SIPA1L3: variants seen among roughly 807,000 people sequenced by gnomAD.
SIPA1L3 encodes the protein signal-induced proliferation-associated 1-like protein 3.
SIPA1L3 carries 59 observed loss-of-function variants against 150.1 expected under a neutral mutation model. The ratio of observed to expected loss-of-function variants is 0.39; its 90% CI spans 0.32 to 0.49. The LOEUF (loss-of-function observed/expected upper bound fraction) is 0.49, where lower values mean the gene tolerates loss of function less well. Among genes scored for constraint, SIPA1L3 ranks in the 20% least tolerant of loss-of-function variants. SIPA1L3 has a pLI of 0.86. For missense variants in SIPA1L3, 2,211 were observed against 2,489.5 expected, an observed-to-expected ratio of 0.89 and a Z score of 2.38; for synonymous variants, 1,070 against 1,077.6, an observed-to-expected ratio of 0.99 and a Z score of 0.14.
chr19:37,946,029 C>G (rs1002431938), intron 1 of SIPA1L3, among the ~76,000 whole-genome samples: 2 of 152,022 alleles, frequency 1.3e-5, no homozygotes, highest in Non-Finnish European at 2.9e-5. Context: ...GTGGCAAGCG[C>G]CTGTAATCCC....
At chr19:37,930,014 G>A (rs1314958002) in intron 1 of SIPA1L3, among the ~76,000 whole-genome samples, 1 of 141,222 alleles carries the variant, frequency 7.1e-6, no homozygotes, top group Non-Finnish European at 1.5e-5. Context: ...GCATGCCACC[G>A]TGCCTGGCAA....
intron 1 of SIPA1L3, among the ~76,000 whole-genome samples, chr19:38,020,978 T>C (rs1968360947): frequency 6.6e-6 from 1 of 152,180 alleles, no homozygotes; most frequent in Non-Finnish European, 1.5e-5. Flanking sequence ...TTTTTGTATT[T>C]TTAGTAGAGA....
intron 1 of SIPA1L3, among the ~76,000 whole-genome samples, chr19:37,927,674 TG>T (rs2046517416): frequency 6.6e-6 from 1 of 150,638 alleles, no homozygotes. Flanking sequence ...TGTGTGTGTG[TG>T]TGTGTGTGTG....
At chr19:38,178,818 G>T (rs1011196272) in intron 15 of SIPA1L3, among the ~76,000 whole-genome samples, 3 of 152,084 alleles carry the variant, frequency 2.0e-5, no homozygotes, top group Non-Finnish European at 2.9e-5. Flanking sequence ...TCAGTTCTCA[G>T]TTCTGATGCT....
At chr19:37,979,946 G>A (rs1047194605) in intron 1 of SIPA1L3, among the ~76,000 whole-genome samples, 3 of 152,208 alleles carry the variant, frequency 2.0e-5, no homozygotes, top group Admixed American at 6.5e-5. Flanking sequence ...CTTGGGCCCT[G>A]GCTGCGTGGC....
intron 1 of SIPA1L3, among the ~76,000 whole-genome samples, chr19:38,009,898 TTGG>T (rs1304670429): frequency 3.9e-5 from 6 of 152,188 alleles, no homozygotes. Context: ...GCATGAGGCT[TTGG>T]TGGGTTGGAG....
rs989652453 is a variant in SIPA1L3, at chr19:38,000,755, A to G, written c.-378-28334A>G. The stretch of plus-strand genomic sequence containing the variant: ...AAATGTCTCTTCCCCACTTCTCTAT[A>G]TACATGCTGGGAAAAAAAAGACTGG... On this transcript the variant is annotated intron_variant, in intron 1 of 21. Transcript: ENST00000222345. 4.1e-5 allele frequency among the ~76,000 whole-genome samples: 6 copies of G among 146,664 alleles called. No homozygotes were observed. The Admixed American group carries it at 4.1e-4, about 10-fold the overall frequency.
At chr19:37,998,308 C>T (rs1244315848) in intron 1 of SIPA1L3, among the ~76,000 whole-genome samples, 1 of 152,122 alleles carries the variant, frequency 6.6e-6, no homozygotes, top group African/African-American at 2.4e-5. Context: ...AGCCCTGTGT[C>T]TTATCTTCTA....
At chr19:38,199,204 C>T (rs530990388) in intron 19 of SIPA1L3, among the ~76,000 whole-genome samples, 5 of 152,304 alleles carry the variant, frequency 3.3e-5, no homozygotes, top group African/African-American at 9.6e-5. Flanking sequence ...GCTGACGGGG[C>T]CAGGCAGCTG....
At chr19:37,916,286 C>T (rs2046414092) in intron 1 of SIPA1L3, among the ~76,000 whole-genome samples, 2 of 151,798 alleles carry the variant, frequency 1.3e-5, no homozygotes, top group Non-Finnish European at 2.9e-5. Flanking sequence ...CTCAGCCTCC[C>T]AAAGTGCTGG....
chr19:38,148,245 G>A (rs1184702054), intron 12 of SIPA1L3, among the ~76,000 whole-genome samples: 5 of 151,830 alleles, frequency 3.3e-5, no homozygotes, highest in South Asian at 2.1e-4. Flanking sequence ...CAGCTACTCG[G>A]GAGGCTGAGG....
chr19:37,908,125 G>A (rs148217600), intron 1 of SIPA1L3, among the ~76,000 whole-genome samples: 98 of 152,318 alleles, frequency 6.4e-4, no homozygotes, highest in African/African-American at 2.3e-3. Flanking sequence ...CTCAGTAAAT[G>A]GTACCATTTA....
intron 1 of SIPA1L3, among the ~76,000 whole-genome samples, chr19:37,948,762 G>A (rs1372733278): frequency 6.6e-6 from 1 of 152,174 alleles, no homozygotes; most frequent in Admixed American, 6.5e-5. Flanking sequence ...GTTATGTAGT[G>A]AGAAGTGCTA....
intron 9 of SIPA1L3, among the ~76,000 whole-genome samples, chr19:38,126,813 G>A (rs1600106789): frequency 6.6e-6 from 1 of 152,248 alleles, no homozygotes; most frequent in East Asian, 1.9e-4. Flanking sequence ...TGGAATTGCA[G>A]GCATGAGCCA....
intron 1 of SIPA1L3, among the ~76,000 whole-genome samples, chr19:37,971,896 G>T (rs1398639225): frequency 6.6e-6 from 1 of 152,148 alleles, no homozygotes; most frequent in African/African-American, 2.4e-5. Context: ...GTTCACCCAT[G>T]TTGTGCATGA....
chr19:38,159,789 A>G (rs560333603), intron 13 of SIPA1L3, among the ~76,000 whole-genome samples: 2 of 152,344 alleles, frequency 1.3e-5, no homozygotes, highest in South Asian at 2.1e-4. Flanking sequence ...CAGCAGGGTA[A>G]TGTATGCAGA....
intron 1 of SIPA1L3, among the ~76,000 whole-genome samples, chr19:37,931,370 C>G (rs1461370126): frequency 6.6e-6 from 1 of 152,008 alleles, no homozygotes; most frequent in Non-Finnish European, 1.5e-5. Context: ...ATAAAGCTCT[C>G]ACTGACTCTT....
chr19:38,071,733 G>T (rs1429835171), intron 2 of SIPA1L3, among the ~76,000 whole-genome samples: 1 of 152,232 alleles, frequency 6.6e-6, no homozygotes, highest in Non-Finnish European at 1.5e-5. Flanking sequence ...AGTGAAGTTG[G>T]CATGAGCAGG....
At chr19:38,112,223 AAC>A (rs1024212166) in intron 8 of SIPA1L3, among the ~76,000 whole-genome samples, 17 of 148,378 alleles carry the variant, frequency 1.1e-4, no homozygotes, top group Admixed American at 5.4e-4. Flanking sequence ...ACATGCACAT[AAC>A]ACATGCACAC....
Sources: allele counts gnomAD v4.1 joint callset (sites outside exome capture counted in the v4.1 genomes callset), GRCh38; gene constraint gnomAD v4.1.1; transcripts MANE v1.5; gene names NCBI Gene and HGNC (gene_info 2026-07-23, HGNC 2026-07-21).